LRRTM4: variants seen among roughly 807,000 people sequenced by gnomAD.
The protein encoded by LRRTM4 is leucine-rich repeat transmembrane neuronal protein 4.
A neutral mutation model predicts 47.6 loss-of-function variants in LRRTM4; 25 were observed. The ratio of observed to expected loss-of-function variants is 0.53; its 90% CI spans 0.38 to 0.73. The LOEUF (loss-of-function observed/expected upper bound fraction) is 0.73. Ranked by LOEUF, LRRTM4 falls within the 30% of genes least tolerant of loss-of-function variation. The probability of loss-of-function intolerance (pLI) is 0.00; values close to 1 mark genes in which losing one functional copy is unlikely to be tolerated. For missense variants in LRRTM4, 638 were observed against 713.4 expected (o/e 0.89, Z 1.20); for synonymous variants, 311 against 269.5 (o/e 1.15, Z -1.51).
chr2:77,284,120 C>T (rs1573193341), intron 3 of LRRTM4, among the ~76,000 whole-genome samples: 1 of 152,120 alleles, frequency 6.6e-6, no homozygotes, highest in Admixed American at 6.6e-5. Flanking sequence ...GTGTTCCTTT[C>T]TTTGTCTAAC....
At chr2:77,374,078 C>G (rs1330367145) in intron 3 of LRRTM4, among the ~76,000 whole-genome samples, 2 of 151,696 alleles carry the variant, frequency 1.3e-5, no homozygotes, top group African/African-American at 4.8e-5. Flanking sequence ...TATCTGCAAC[C>G]TGCCTGTCTA....
intron 3 of LRRTM4, among the ~76,000 whole-genome samples, chr2:77,262,895 T>C (rs1194550549): frequency 1.3e-5 from 2 of 152,106 alleles, no homozygotes; most frequent in Non-Finnish European, 2.9e-5. Flanking sequence ...TCTTTTGTTA[T>C]TCAGAATAAA....
intron 3 of LRRTM4, among the ~76,000 whole-genome samples, chr2:76,787,567 T>G (rs1674742172): frequency 6.6e-6 from 1 of 151,632 alleles, no homozygotes; most frequent in Non-Finnish European, 1.5e-5. Context: ...TTTTATGAAG[T>G]TAGGAAAATT....
At chr2:77,028,917 C>A (rs1678547245) in intron 3 of LRRTM4, among the ~76,000 whole-genome samples, 1 of 151,040 alleles carries the variant, frequency 6.6e-6, no homozygotes, top group South Asian at 2.1e-4. Context: ...GGCCTGTAGT[C>A]CCAGCTACTC....
At chr2:76,806,000 G>A (rs1303944443) in intron 3 of LRRTM4, among the ~76,000 whole-genome samples, 3 of 152,148 alleles carry the variant, frequency 2.0e-5, no homozygotes, top group East Asian at 1.9e-4. Context: ...TCCAGGGGTT[G>A]GGACCTGATA....
chr2:77,251,668 A>G (rs1675620917), intron 3 of LRRTM4, among the ~76,000 whole-genome samples: 3 of 152,182 alleles, frequency 2.0e-5, no homozygotes, highest in African/African-American at 4.8e-5. Context: ...GAGAGGTTAT[A>G]TAATAGCCAA....
rs545602758 is a variant in LRRTM4, at chr2:77,494,030, T to G, written c.1551+24288A>C. On this transcript the variant is annotated intron_variant, in intron 3 of 3. Transcript: ENST00000409884. The stretch of plus-strand genomic sequence containing the variant: ...GTTAAAATTAGGAAACCTTATAAAT[T>G]GACTTTTTGAATTAGTTAATAGAAA... 9.4e-4 allele frequency among the ~76,000 whole-genome samples: 143 copies of G among 152,240 alleles called. 1 individual carries two copies. Among genetic ancestry groups the G allele is most frequent in the African/African-American group, 3.4e-3 (141 of 41,570 alleles).
chr2:76,968,340 GTATATATATATA>G (rs61103340), intron 3 of LRRTM4, among the ~76,000 whole-genome samples: 1,091 of 76,622 alleles, frequency 0.014, 22 homozygotes, highest in African/African-American at 0.04. Flanking sequence ...GTGTATGTGT[GTATATATATATA>G]TATATATATA....
At chr2:76,875,098 G>A (rs560398520) in intron 3 of LRRTM4, among the ~76,000 whole-genome samples, 2 of 151,758 alleles carry the variant, frequency 1.3e-5, no homozygotes, top group South Asian at 4.2e-4. Flanking sequence ...GAAAATGAAA[G>A]CTTCTGCATG....
At chr2:77,345,628 AAAC>A (rs1457213266) in intron 3 of LRRTM4, among the ~76,000 whole-genome samples, 3 of 152,052 alleles carry the variant, frequency 2.0e-5, no homozygotes, top group Admixed American at 6.6e-5. Flanking sequence ...TAGTAGGATG[AAAC>A]AACAACAATC....
At chr2:77,187,520 T>G (rs1003302904) in intron 3 of LRRTM4, among the ~76,000 whole-genome samples, 26 of 151,910 alleles carry the variant, frequency 1.7e-4, no homozygotes, top group African/African-American at 6.3e-4. Context: ...ATATACCTAA[T>G]GCTAAATGAC....
At chr2:77,073,458 A>G (rs1433498676) in intron 3 of LRRTM4, among the ~76,000 whole-genome samples, 3 of 151,932 alleles carry the variant, frequency 2.0e-5, no homozygotes, top group African/African-American at 7.2e-5. Flanking sequence ...CAGTACAGAC[A>G]TTTTCCTTTC....
intron 3 of LRRTM4, among the ~76,000 whole-genome samples, chr2:77,044,753 C>T (rs1047497882): frequency 6.6e-6 from 1 of 151,266 alleles, no homozygotes; most frequent in Admixed American, 6.6e-5. Context: ...TATAGACAGA[C>T]ATATATAAAT....
chr2:77,422,651 T>G (rs1272963599), intron 3 of LRRTM4, among the ~76,000 whole-genome samples: 1 of 152,174 alleles, frequency 6.6e-6, no homozygotes, highest in Non-Finnish European at 1.5e-5. Context: ...TGAGAAACTA[T>G]TTAGGATATT....
chr2:76,796,823 G>A (rs540690450), intron 3 of LRRTM4, among the ~76,000 whole-genome samples: 1 of 152,212 alleles, frequency 6.6e-6, no homozygotes, highest in South Asian at 2.1e-4. Flanking sequence ...GCTGAGTGAA[G>A]AAGGCAGACG....
intron 3 of LRRTM4, among the ~76,000 whole-genome samples, chr2:77,359,463 T>C (rs747464404): frequency 3.9e-5 from 6 of 152,216 alleles, no homozygotes; most frequent in Non-Finnish European, 8.8e-5. Flanking sequence ...AAAGAAATTA[T>C]GTTGCCCTAA....
At chr2:76,840,697 CAAAAG>C (rs1415119385) in intron 3 of LRRTM4, among the ~76,000 whole-genome samples, 1 of 151,870 alleles carries the variant, frequency 6.6e-6, no homozygotes, top group African/African-American at 2.4e-5. Context: ...GGTAAGAAAA[CAAAAG>C]AGAGAGAGAA....
chr2:77,346,283 C>T (rs1671559742), intron 3 of LRRTM4, among the ~76,000 whole-genome samples: 1 of 152,058 alleles, frequency 6.6e-6, no homozygotes, highest in Admixed American at 6.6e-5. Flanking sequence ...ACTGCCATAT[C>T]TCCCAATTAT....
At chr2:77,252,763 G>A (rs1340587025) in intron 3 of LRRTM4, among the ~76,000 whole-genome samples, 1 of 152,018 alleles carries the variant, frequency 6.6e-6, no homozygotes, top group African/African-American at 2.4e-5. Context: ...CCTCTGAGAT[G>A]GGGACATTCC....
Sources: gnomAD v4.1 joint callset for allele counts (sites outside exome capture counted in the v4.1 genomes callset) on GRCh38, gnomAD v4.1.1 for gene constraint, MANE v1.5 for transcripts, NCBI Gene and HGNC (gene_info 2026-07-23, HGNC 2026-07-21) for gene names.